Variants in SRSF11 observed in about 807,000 individuals in gnomAD.
The protein encoded by SRSF11 is serine/arginine-rich splicing factor 11.
SRSF11 carries 9 observed loss-of-function variants against 56.0 expected under a neutral mutation model. The ratio of observed to expected loss-of-function variants is 0.16; its 90% CI spans 0.10 to 0.28. The LOEUF (loss-of-function observed/expected upper bound fraction) is 0.28, where lower values mean the gene tolerates loss of function less well. Among genes scored for constraint, SRSF11 ranks in the 10% least tolerant of loss-of-function variants. SRSF11 has a pLI of 1.00. For synonymous variants in SRSF11, 222 were observed against 215.3 expected, an observed-to-expected ratio of 1.03 and a Z score of -0.27; for missense variants, 421 against 600.7, an observed-to-expected ratio of 0.70 and a Z score of 3.13.
At chr1:70,219,977 TTTACCTC>T (rs1338048667), upstream of SRSF11, among the ~76,000 whole-genome samples, 2 of 152,222 alleles carry the variant, frequency 1.3e-5, no homozygotes, top group Admixed American at 6.5e-5. Context: ...ATCTAAAACT[TTTACCTC>T]TAAAAACATT....
chr1:70,235,664 C>T (rs2100800886), intron 5 of SRSF11, 114 bp downstream of exon 5: 1 of 990,400 alleles, frequency 1.0e-6, no homozygotes, highest in Non-Finnish European at 1.5e-6. Context: ...TCAAGACAAG[C>T]AATATGTATT....
intron 1 of SRSF11, chr1:70,205,866 C>A (rs900279790): frequency 1.9e-5 from 4 of 205,206 alleles, no homozygotes; most frequent in South Asian, 3.4e-4. Flanking sequence ...CTCTGTGCTT[C>A]CACCGTGGCG....
intron 1 of SRSF11, among the ~76,000 whole-genome samples, chr1:70,224,517 A>G (rs747860174): frequency 1.3e-5 from 2 of 152,158 alleles, no homozygotes; most frequent in African/African-American, 2.4e-5. Context: ...TTTAAAATAC[A>G]TGTATGACTG....
chr1:70,208,345 TGTGA>T (rs953992901), intron 1 of SRSF11, among the ~76,000 whole-genome samples: 12 of 152,104 alleles, frequency 7.9e-5, no homozygotes, highest in Non-Finnish European at 1.6e-4. Context: ...TGTGTGTGTG[TGTGA>T]GTGAGATGGA....
At chr1:70,245,188 G>C (rs562964681) in intron 8 of SRSF11, among the ~76,000 whole-genome samples, 4 of 152,238 alleles carry the variant, frequency 2.6e-5, no homozygotes, top group African/African-American at 9.6e-5. Context: ...TTATAGTTGT[G>C]AGGCATACAA....
chr1:70,211,562 T>A (rs1166588974), intron 1 of SRSF11, among the ~76,000 whole-genome samples: 1 of 152,166 alleles, frequency 6.6e-6, no homozygotes, highest in Admixed American at 6.5e-5. Context: ...AGATTGTTAA[T>A]TTAAAATTTG....
chr1:70,228,455 C>T lies in SRSF11; in HGVS notation c.237C>T (p.Cys79=), dbSNP rs1470590142. 1 of 1,611,740 alleles carries T rather than the reference C, an allele frequency of 6.2e-7. No individual in the cohort carries two copies. Among genetic ancestry groups the T allele is most frequent in the African/African-American group, 1.3e-5 (1 of 74,760 alleles). ...CTTTGCCAGTCTCATCTCGTGTCTGCTTTGTTAAGTTCCATGATCCAGACT... is the reference window on the plus strand; with the variant it reads ...CTTTGCCAGTCTCATCTCGTGTCTGTTTTGTTAAGTTCCATGATCCAGACT... ...DSPLPVSSRV[C]FVKFHDPDSA... is the part of the protein sequence containing the mutation. Residue 79 remains cysteine (C), a synonymous_variant, in exon 2 of 12, where the codon TGC becomes TGT. Transcript: ENST00000370949.
chr1:70,243,239 A>G (rs1215415987), intron 7 of SRSF11, among the ~76,000 whole-genome samples: 1 of 150,084 alleles, frequency 6.7e-6, no homozygotes, highest in Non-Finnish European at 1.5e-5. Flanking sequence ...ATGCATACTC[A>G]AGTCCTCTGG....
In SRSF11 at chr1:70,234,762, C is replaced by T. The variant is rs1433203867; in HGVS notation, c.514C>T (p.Leu172Phe). 1 of 1,610,054 alleles carries T rather than the reference C, an allele frequency of 6.2e-7. No homozygotes were observed. The highest frequency in any genetic ancestry group is 1.7e-5 in the Admixed American group (1 of 59,632). ...TLDPALAALG[L>F]PGANLNSQSL... Reference sequence around the variant, plus strand: ...TGATCCTGCCCTTGCTGCACTTGGGCTTCCTGGAGCAAACTTGAACTCTCA... The same window carrying T: ...TGATCCTGCCCTTGCTGCACTTGGGTTTCCTGGAGCAAACTTGAACTCTCA... Residue 172 changes from leucine (L) to phenylalanine (F), a missense_variant, in exon 4 of 12, where the codon CTT (leucine) becomes TTT (phenylalanine). This residue lies in a region of SRSF11 where 168 missense variants were observed against 294.9 expected (regional missense o/e 0.57). Coordinates refer to ENST00000370949, the MANE Select transcript of SRSF11 (RefSeq NM_001350605.2).
intron 1 of SRSF11, among the ~76,000 whole-genome samples, chr1:70,206,857 C>T (rs1392699395): frequency 6.6e-6 from 1 of 150,908 alleles, no homozygotes; most frequent in Non-Finnish European, 1.5e-5. Flanking sequence ...ATAGTTGTTA[C>T]CCTACTAAAA....
At chr1:70,213,065 A>T (rs931061439) in intron 1 of SRSF11, among the ~76,000 whole-genome samples, 1 of 152,178 alleles carries the variant, frequency 6.6e-6, no homozygotes, top group African/African-American at 2.4e-5. Flanking sequence ...AAAAAAATTT[A>T]AAAAGAAAAG....
chr1:70,240,261 AACTTT>A (rs1165859539), intron 7 of SRSF11, among the ~76,000 whole-genome samples: 1 of 152,200 alleles, frequency 6.6e-6, no homozygotes, highest in East Asian at 1.9e-4. Context: ...TAATAAAATT[AACTTT>A]ACTGCTTCAT....
chr1:70,242,366 C>A (rs182334975), intron 7 of SRSF11, among the ~76,000 whole-genome samples: 7 of 151,670 alleles, frequency 4.6e-5, no homozygotes, highest in Admixed American at 2.0e-4. Flanking sequence ...ACACACACAC[C>A]CCCCACACCC....
At chr1:70,248,566 C>T (rs1677262471) in intron 9 of SRSF11, 1 of 151,826 alleles carries the variant, frequency 6.6e-6, no homozygotes, top group African/African-American at 2.4e-5. Flanking sequence ...AATGTAAGTA[C>T]AGAAGGAAAT....
At chr1:70,244,861 CT>C in intron 8 of SRSF11, 46 bp downstream of exon 8, 1 of 1,594,072 alleles carries the variant, frequency 6.3e-7, no homozygotes, top group Non-Finnish European at 8.6e-7. Flanking sequence ...CCCAGTACCC[CT>C]AGTACTGTGC....
chr1:70,245,872 C>G (rs1277782898), intron 8 of SRSF11, among the ~76,000 whole-genome samples: 1 of 152,112 alleles, frequency 6.6e-6, no homozygotes, highest in Non-Finnish European at 1.5e-5. Flanking sequence ...CAGGTTTGTA[C>G]TTTAAAAGAT....
At chr1:70,232,480 G>A (rs1422276798) in intron 3 of SRSF11, 103 bp downstream of exon 3, 2 of 821,298 alleles carry the variant, frequency 2.4e-6, no homozygotes, top group African/African-American at 3.4e-5. Context: ...TTCTAGTTCA[G>A]ATAGCATTAT....
chr1:70,216,619 A>C (rs1670032812), upstream of SRSF11, among the ~76,000 whole-genome samples: 1 of 151,958 alleles, frequency 6.6e-6, no homozygotes, highest in South Asian at 2.1e-4. Flanking sequence ...TTTTTTGTAG[A>C]GATGGGGTTT....
intron 3 of SRSF11, among the ~76,000 whole-genome samples, chr1:70,233,548 G>T (rs1673305285): frequency 6.6e-6 from 1 of 152,094 alleles, no homozygotes; most frequent in South Asian, 2.1e-4. Context: ...TCCAGATCTG[G>T]GTAATTTTCT....
Sources: allele counts gnomAD v4.1 joint callset (sites outside exome capture counted in the v4.1 genomes callset), GRCh38; gene constraint gnomAD v4.1.1; regional missense constraint gnomAD v4.1.1; transcripts MANE v1.5; gene names NCBI Gene and HGNC (gene_info 2026-07-23, HGNC 2026-07-21).